The following CARD8 variants were observed in gnomAD, a reference collection of about 807,000 sequenced individuals.
CARD8 encodes caspase recruitment domain family member 8.
CARD8 carries 38 observed loss-of-function variants against 53.2 expected under a neutral mutation model. The ratio of observed to expected loss-of-function variants is 0.71; its 90% confidence interval spans 0.55 to 0.94. CARD8 has a LOEUF of 0.94. Among genes scored for constraint, CARD8 ranks in the 40% least tolerant of loss-of-function variants. The pLI, the probability that CARD8 is intolerant of heterozygous loss-of-function variation, is 0.00. For missense variants in CARD8, 561 were observed against 655.5 expected (o/e 0.86, Z 1.57); for synonymous variants, 245 against 244.9 (o/e 1.00, Z 0.00).
At chr19:48,224,752 T>C (rs985508434) in intron 10 of CARD8, among the ~76,000 whole-genome samples, 1 of 119,978 alleles carries the variant, frequency 8.3e-6, no homozygotes, top group Non-Finnish European at 1.7e-5. Context: ...GGCCTCACCT[T>C]GTGCTTTTTT....
intron 12 of CARD8, among the ~76,000 whole-genome samples, chr19:48,218,369 TTTTTTC>T (rs944247305): frequency 2.0e-4 from 12 of 59,606 alleles, no homozygotes; most frequent in Non-Finnish European, 3.3e-4. Flanking sequence ...TTTTTTTTTT[TTTTTTC>T]AGATGGAGTT....
intron 4 of CARD8, among the ~76,000 whole-genome samples, chr19:48,239,456 T>C (rs2044547723): frequency 6.7e-6 from 1 of 150,354 alleles, no homozygotes; most frequent in African/African-American, 2.4e-5. Context: ...AGATCATCTG[T>C]CTCAGTCATT....
At position 48,231,702 on chromosome 19, in the gene CARD8, T is replaced by C. The variant is rs1196553170; in HGVS notation, c.500A>G (p.Asn167Ser). Residue 167 changes from asparagine (N) to serine (S), a missense_variant, in exon 8 of 14, where the codon AAT becomes AGT. Asn to Ser is a conservative substitution (Grantham distance 46). Coordinates refer to ENST00000651546, the MANE Select transcript of CARD8 (RefSeq NM_001184900.3). ...CTTATCAATCAACTCAACATCCACA[T>C]TTCCTTCAGGCCCCAGAAACTGACG... Reference protein sequence around the residue: ...KNRQFLGPEGNVDVELIDKST... With the variant: ...KNRQFLGPEGSVDVELIDKST... The C allele has an allele frequency of 5.6e-6, 9 of 1,611,894 alleles. No individual in the cohort carries two copies. The highest frequency in any genetic ancestry group is 2.2e-5 in the East Asian group (1 of 44,838).
downstream of CARD8, chr19:48,203,518 T>A (rs1425457421): frequency 6.6e-6 from 1 of 152,528 alleles, no homozygotes; most frequent in Non-Finnish European, 1.5e-5. Context: ...TGAATTAGTG[T>A]GTGTACCAGT....
At chr19:48,223,314 A>T (rs1445502392) in intron 10 of CARD8, among the ~76,000 whole-genome samples, 1 of 151,782 alleles carries the variant, frequency 6.6e-6, no homozygotes, top group African/African-American at 2.4e-5. Flanking sequence ...AAAAAAAAAA[A>T]AAGAAATAAA....
intron 7 of CARD8, 57 bp downstream of exon 7, chr19:48,232,396 A>G: frequency 6.9e-7 from 1 of 1,447,592 alleles, no homozygotes; most frequent in Non-Finnish European, 9.4e-7. Flanking sequence ...ACATAAAATC[A>G]CAGAACATTT....
chr19:48,247,748 A>G (rs1251487057), intron 3 of CARD8, among the ~76,000 whole-genome samples: 7 of 123,304 alleles, frequency 5.7e-5, no homozygotes, highest in Admixed American at 4.8e-4. Flanking sequence ...TCATGACACT[A>G]TGTTATTGTA....
Position 48,234,529 on chromosome 19 carries a change from AG to A in CARD8, c.223del (p.Leu75TyrfsTer66). ...CVTNDTVYRE[L>X]PCVSETLCDI... ...ACAAAGGGTCTCAGAAACACAGGGTAGCTCCCTGTATACCCTGGAAAACAAC... is the reference window on the plus strand; with the variant it reads ...ACAAAGGGTCTCAGAAACACAGGGTACTCCCTGTATACCCTGGAAAACAAC... On this transcript the variant is annotated frameshift_variant, in exon 6 of 14. Coordinates refer to ENST00000651546, the MANE Select transcript of CARD8 (RefSeq NM_001184900.3). LOFTEE classifies it high-confidence loss of function. The A allele has an allele frequency of 1.9e-6, 3 of 1,613,348 alleles. No individual in the cohort carries two copies. The highest frequency in any genetic ancestry group is 2.5e-6 in the Non-Finnish European group (3 of 1,179,684).
rs2042765428 is a variant in CARD8 at position 48,230,980 on chromosome 19, T to C, written c.569A>G (p.Tyr190Cys). 1 of 1,613,484 alleles carries C rather than the reference T, an allele frequency of 6.2e-7. No homozygotes were observed. The highest frequency in any genetic ancestry group is 8.5e-7 in the Non-Finnish European group (1 of 1,179,508). Residue 190 changes from tyrosine to cysteine, a missense_variant, in exon 9 of 14, where the codon TAT becomes TGT. Physicochemically the swap from Tyr to Cys is radical, Grantham distance 194 (BLOSUM62 -2). Transcript: ENST00000651546. ...YSVWFPTAGW[Y>C]LWSATGLGFL... ...GCCGAGGCCTGTGGCTGACCACAGA[T>C]ACCAGCCAGCAGTGGGGAACCAAAC...
rs1353917805 is a variant in CARD8, at chr19:48,209,702, TG to T, written c.*2007del. 1 of 152,300 alleles carries T rather than the reference TG, an allele frequency of 6.6e-6. No homozygotes were observed. Among genetic ancestry groups the T allele is most frequent in the Admixed American group, 6.5e-5 (1 of 15,274 alleles). 9.4% of individuals were successfully genotyped at this position (152,300 alleles called of 1,614,324 possible). A position where few individuals can be genotyped will look rare whatever the true frequency, so the allele number is the denominator to read the frequency against. On this transcript the variant is annotated 3_prime_UTR_variant, in exon 14 of 14. Transcript: ENST00000651546. ...TTTCTAGATGGCAAGGAAAATCACA[TG>T]TAAGAGGTTTCCATTTAAAAGAATT...
chr19:48,213,977 C>T (rs2038624659), intron 13 of CARD8, among the ~76,000 whole-genome samples: 1 of 152,188 alleles, frequency 6.6e-6, no homozygotes, highest in Non-Finnish European at 1.5e-5. Flanking sequence ...TTTACTCTGT[C>T]CCTCTAACAG....
chr19:48,232,469 T>C lies in CARD8; in HGVS notation c.375A>G (p.Ser125=), dbSNP rs895796696. 6.5e-7 allele frequency: 1 copy of C among 1,535,898 alleles called. No individual in the cohort carries two copies. The highest frequency in any genetic ancestry group is 1.2e-5 in the South Asian group (1 of 84,056). Residue 125 remains serine, a synonymous_variant, in exon 7 of 14, where the codon TCA becomes TCG. Transcript: ENST00000651546. ...IPSVSEEQES[S]EGQDSGDICS... is the part of the protein sequence containing the mutation. ...GCCCATTACCTGAATCTTGTCCCTC[T>C]GAAGATTCCTGCTCTTCTGATACAC...
chr19:48,222,627 T>G (rs1445284643), intron 10 of CARD8, among the ~76,000 whole-genome samples: 1 of 151,370 alleles, frequency 6.6e-6, no homozygotes, highest in African/African-American at 2.4e-5. Context: ...AGGCAGAGAT[T>G]GCAGTGAGCC....
chr19:48,243,807 C>T (rs568816701), intron 3 of CARD8, among the ~76,000 whole-genome samples: 52 of 152,304 alleles, frequency 3.4e-4, no homozygotes, highest in African/African-American at 9.9e-4. Context: ...GCTATGATGG[C>T]GCCGCTGCAT....
At position 48,209,160 on chromosome 19, in the gene CARD8, G is replaced by A. The variant is rs1047651083; in HGVS notation, c.*2550C>T. On this transcript the variant is annotated 3_prime_UTR_variant, in exon 14 of 14. Coordinates refer to ENST00000651546, the MANE Select transcript of CARD8 (RefSeq NM_001184900.3). ...AAATACAAAAAATTAGCTGGGCTGT[G>A]GTGGTGCATGCCTGTAATCCCAGCT... The A allele has an allele frequency of 6.6e-6, 1 of 151,726 alleles. No homozygotes were observed. Among genetic ancestry groups the A allele is most frequent in the African/African-American group, 2.4e-5 (1 of 41,204 alleles). The allele number at this position is 151,726 out of a possible 1,614,324, so 9.4% of individuals were successfully genotyped here.
chr19:48,251,277 A>G (rs1229777781), intron 1 of CARD8, among the ~76,000 whole-genome samples: 1 of 152,248 alleles, frequency 6.6e-6, no homozygotes, highest in Non-Finnish European at 1.5e-5. Flanking sequence ...ATTAAGTGAG[A>G]TGAAAGTCTC....
intron 3 of CARD8, among the ~76,000 whole-genome samples, chr19:48,247,135 C>T (rs896738846): frequency 6.6e-6 from 1 of 152,090 alleles, no homozygotes; most frequent in Admixed American, 6.6e-5. Flanking sequence ...ACCAGCCTGG[C>T]CAACAAGGTG....
chr19:48,230,856 GCCC>G lies in CARD8; in HGVS notation c.690_692del (p.Gly232del). On this transcript the variant is annotated inframe_deletion, in exon 9 of 14. Coordinates refer to ENST00000651546, the MANE Select transcript of CARD8 (RefSeq NM_001184900.3). ...CTGCAGTGACATCAAACAAGGGGCCGCCCACCAGCCACTGTTCATGGTGCTGCA... is the reference window on the plus strand; with the variant it reads ...CTGCAGTGACATCAAACAAGGGGCCGACCAGCCACTGTTCATGGTGCTGCA... The G allele has an allele frequency of 6.2e-7, 1 of 1,613,800 alleles. No individual in the cohort carries two copies. The highest frequency in any genetic ancestry group is 2.2e-5 in the East Asian group (1 of 44,870).
At chr19:48,220,521 GA>G (rs1258342871) in intron 11 of CARD8, among the ~76,000 whole-genome samples, 1 of 152,086 alleles carries the variant, frequency 6.6e-6, no homozygotes, top group Non-Finnish European at 1.5e-5. Context: ...ATTAAAACTG[GA>G]AAACAATTAA....
Sources: allele counts gnomAD v4.1 joint callset (sites outside exome capture counted in the v4.1 genomes callset), GRCh38; gene constraint gnomAD v4.1.1; transcripts MANE v1.5; gene names NCBI Gene and HGNC (gene_info 2026-07-23, HGNC 2026-07-21).